The following MICU2 variants were observed in gnomAD, a reference collection of about 807,000 sequenced individuals.
The protein encoded by MICU2 is mitochondrial calcium uptake 2, also known as calcium uptake protein 2, mitochondrial.
A neutral mutation model predicts 60.4 loss-of-function variants in MICU2; 64 were observed. The observed-to-expected ratio is 1.06, with a 90% CI of 0.87 to 1.31. The LOEUF (loss-of-function observed/expected upper bound fraction) is 1.31, where lower values mean the gene tolerates loss of function less well. Ranked by LOEUF, MICU2 falls within the 50% of genes most tolerant of loss-of-function variation. MICU2 has a pLI of 0.00. For missense variants in MICU2, 569 were observed against 531.0 expected, an observed-to-expected ratio of 1.07 and a Z score of -0.70; for synonymous variants, 201 against 175.0, an observed-to-expected ratio of 1.15 and a Z score of -1.17.
At chr13:21,538,936 T>C (rs1887205546) in intron 4 of MICU2, among the ~76,000 whole-genome samples, 1 of 152,134 alleles carries the variant, frequency 6.6e-6, no homozygotes, top group Non-Finnish European at 1.5e-5. Flanking sequence ...AAGTTCCCTT[T>C]TTCTTTAACA....
intron 4 of MICU2, among the ~76,000 whole-genome samples, chr13:21,522,921 G>A (rs1328262124): frequency 6.6e-6 from 1 of 152,214 alleles, no homozygotes; most frequent in Non-Finnish European, 1.5e-5. Flanking sequence ...CATCTTGAGT[G>A]TCCAGATTAA....
chr13:21,518,267 G>A (rs1886631072), intron 6 of MICU2, among the ~76,000 whole-genome samples: 2 of 152,200 alleles, frequency 1.3e-5, no homozygotes, highest in Admixed American at 6.5e-5. Flanking sequence ...GGACTGTATG[G>A]TAAAAGGCGC....
chr13:21,514,289 T>C, intron 7 of MICU2, 64 bp downstream of exon 7: 3 of 1,362,840 alleles, frequency 2.2e-6, no homozygotes, highest in South Asian at 2.5e-5. Context: ...ATCGGGAATA[T>C]CTGAACAAAC....
At chr13:21,559,898 C>T (rs2761912) in intron 2 of MICU2, among the ~76,000 whole-genome samples, 52,685 of 152,036 alleles carry the variant, frequency 0.35, 9,489 homozygotes, top group South Asian at 0.4. Flanking sequence ...TTCTCTTCAA[C>T]TTTTGTCTTT....
At position 21,567,014 on chromosome 13, in the gene MICU2, T is replaced by A. The variant is rs1888001044; in HGVS notation, c.211-70A>T. 6 of 1,336,584 alleles carry A rather than the reference T, an allele frequency of 4.5e-6. No homozygotes were observed. The South Asian group carries it at 7.3e-5, about 16-fold the overall frequency. 82.8% of individuals were successfully genotyped at this position (1,336,584 alleles called of 1,614,324 possible). A position where few individuals can be genotyped will look rare whatever the true frequency, so the allele number is the denominator to read the frequency against. On this transcript the variant is annotated intron_variant, in intron 1 of 11. Coordinates refer to ENST00000382374, the MANE Select transcript of MICU2 (RefSeq NM_152726.3). ...TCCCAGTCACTTCTAGGACAATCTT[T>A]AAAAAGTAACTTTCACGCTTGGATC...
Position 21,526,659 on chromosome 13 carries a change from G to A in MICU2, c.467-4009C>T, listed in dbSNP as rs147634988. Among the ~76,000 whole-genome samples, 256 of 152,192 alleles carry A rather than the reference G, an allele frequency of 1.7e-3. 3 individuals are homozygous for A. Among genetic ancestry groups the A allele is most frequent in the African/African-American group, 5.9e-3 (247 of 41,530 alleles). On this transcript the variant is annotated intron_variant, in intron 4 of 11. Coordinates refer to ENST00000382374, the MANE Select transcript of MICU2 (RefSeq NM_152726.3). The stretch of plus-strand genomic sequence containing the variant: ...AGATGATCAAAGATGTCACAGAGGA[G>A]GTAATTCTAACAGTAAACTTTGAAT...
intron 9 of MICU2, among the ~76,000 whole-genome samples, chr13:21,498,877 G>A (rs528075389): frequency 6.6e-6 from 1 of 152,012 alleles, no homozygotes; most frequent in South Asian, 2.1e-4. Flanking sequence ...CTTCTATCAT[G>A]ACCTCGAAGT....
At chr13:21,522,301 G>A (rs899601261) in intron 5 of MICU2, among the ~76,000 whole-genome samples, 1 of 152,160 alleles carries the variant, frequency 6.6e-6, no homozygotes, top group Non-Finnish European at 1.5e-5. Context: ...ACTTTGAAGA[G>A]TACTGGTCAG....
chr13:21,502,885 A>T, intron 9 of MICU2, 41 bp downstream of exon 9: 1 of 1,552,842 alleles, frequency 6.4e-7, no homozygotes, highest in Non-Finnish European at 8.7e-7. Context: ...CTAACTTATT[A>T]TTTCATCTTT....
chr13:21,509,983 A>G, intron 8 of MICU2, 21 bp downstream of exon 8: 1 of 1,389,244 alleles, frequency 7.2e-7, no homozygotes, highest in South Asian at 1.4e-5. Flanking sequence ...TCCCTAAATG[A>G]ATGTAAATAT....
intron 7 of MICU2, among the ~76,000 whole-genome samples, chr13:21,510,452 G>C (rs1276958290): frequency 6.6e-6 from 1 of 152,182 alleles, no homozygotes; most frequent in Non-Finnish European, 1.5e-5. Flanking sequence ...CACTGAGAGA[G>C]TTAAAGCAAG....
chr13:21,542,139 T>C (rs747618798), intron 2 of MICU2, among the ~76,000 whole-genome samples: 2 of 152,040 alleles, frequency 1.3e-5, no homozygotes, highest in African/African-American at 2.4e-5. Context: ...TTATGAGAGG[T>C]TGTGGTGTTT....
In MICU2 at chr13:21,603,999, G is replaced by A. The variant is rs751240197; in HGVS notation, c.150C>T (p.Ala50=). The A allele has an allele frequency of 1.9e-6, 3 of 1,611,458 alleles. No individual in the cohort carries two copies. Among genetic ancestry groups the A allele is most frequent in the South Asian group, 1.1e-5 (1 of 90,978 alleles). The change falls in exon 1 of 12, where the codon GCC becomes GCT. Residue 50 remains alanine (A), a synonymous_variant. Coordinates refer to ENST00000382374, the MANE Select transcript of MICU2 (RefSeq NM_152726.3). Reference sequence around the variant, plus strand: ...CAACACTGACGCGGCTGTGGTGCCAGGCCGCTCCTGCTCCTGCCAGGGCCG... The same window carrying A: ...CAACACTGACGCGGCTGTGGTGCCAAGCCGCTCCTGCTCCTGCCAGGGCCG... ...AGAALAGAGA[A]WHHSRVSVAA...
intron 6 of MICU2, among the ~76,000 whole-genome samples, chr13:21,519,394 T>C (rs191105293): frequency 6.6e-6 from 1 of 152,202 alleles, no homozygotes; most frequent in Non-Finnish European, 1.5e-5. Flanking sequence ...CCCTCTCCCA[T>C]TGCTCTTGTC....
At position 21,492,700 on chromosome 13, in the gene MICU2, T is replaced by C. The variant is rs1004445216; in HGVS notation, c.*549A>G. ...AAAAAGCACCTCAGTATTTTTTGTATCTATGTAAATATTTTATTCTGCTTC... is the reference window on the plus strand; with the variant it reads ...AAAAAGCACCTCAGTATTTTTTGTACCTATGTAAATATTTTATTCTGCTTC... On this transcript the variant is annotated 3_prime_UTR_variant, in exon 12 of 12. Coordinates refer to ENST00000382374, the MANE Select transcript of MICU2 (RefSeq NM_152726.3). The C allele has an allele frequency of 6.6e-6, 1 of 152,368 alleles. No individual in the cohort carries two copies. The highest frequency in any genetic ancestry group is 1.5e-5 in the Non-Finnish European group (1 of 68,042). 9.4% of individuals were successfully genotyped at this position (152,368 alleles called of 1,614,324 possible). A position where few individuals can be genotyped will look rare whatever the true frequency, so the allele number is the denominator to read the frequency against.
chr13:21,515,022 C>T (rs1886532642), intron 6 of MICU2, among the ~76,000 whole-genome samples: 1 of 151,658 alleles, frequency 6.6e-6, no homozygotes, highest in African/African-American at 2.4e-5. Flanking sequence ...GCTGTCCTTT[C>T]AAGATAATTT....
intron 2 of MICU2, among the ~76,000 whole-genome samples, chr13:21,558,481 C>A (rs1887762779): frequency 6.6e-6 from 1 of 152,194 alleles, no homozygotes; most frequent in South Asian, 2.1e-4. Context: ...TTGTTAATGT[C>A]CTCCCAATTA....
intron 6 of MICU2, among the ~76,000 whole-genome samples, chr13:21,516,408 C>T (rs1343248495): frequency 6.6e-6 from 1 of 152,080 alleles, no homozygotes. Context: ...AGTCTGTTGC[C>T]ATTTATTGTT....
chr13:21,545,462 C>T (rs1187761889), intron 2 of MICU2, among the ~76,000 whole-genome samples: 1 of 152,178 alleles, frequency 6.6e-6, no homozygotes, highest in African/African-American at 2.4e-5. Context: ...GGACAGATCA[C>T]CTGAGGTTAG....
Sources: gnomAD v4.1 joint callset for allele counts (sites outside exome capture counted in the v4.1 genomes callset) on GRCh38, gnomAD v4.1.1 for gene constraint, MANE v1.5 for transcripts, NCBI Gene and HGNC (gene_info 2026-07-23, HGNC 2026-07-21) for gene names.